UTRN: variants seen among roughly 807,000 people sequenced by gnomAD.
UTRN encodes utrophin, also known as dystrophin-related protein 1.
Under a neutral mutation model 463.9 loss-of-function variants are expected in UTRN, and 283 were observed. The ratio of observed to expected loss-of-function variants is 0.61; its 90% confidence interval spans 0.55 to 0.67. The LOEUF (loss-of-function observed/expected upper bound fraction) is 0.67. Ranked by LOEUF, UTRN falls within the 30% of genes least tolerant of loss-of-function variation. The probability of loss-of-function intolerance (pLI) is 0.00; values close to 1 mark genes in which losing one functional copy is unlikely to be tolerated. For missense variants in UTRN, 3,922 were observed against 4,084.3 expected, an observed-to-expected ratio of 0.96 and a Z score of 1.08; for synonymous variants, 1,442 against 1,431.5, an observed-to-expected ratio of 1.01 and a Z score of -0.17.
chr6:144,822,851 C>T (rs549015270), intron 66 of UTRN, among the ~76,000 whole-genome samples: 10 of 152,130 alleles, frequency 6.6e-5, no homozygotes, highest in African/African-American at 1.4e-4. Flanking sequence ...CTTTAATTTA[C>T]GGGATAATTT....
chr6:144,527,267 T>C (rs1796650090), intron 41 of UTRN, among the ~76,000 whole-genome samples: 1 of 152,238 alleles, frequency 6.6e-6, no homozygotes, highest in Non-Finnish European at 1.5e-5. Context: ...TTAGTTTCAC[T>C]GGATACAAAA....
intron 51 of UTRN, among the ~76,000 whole-genome samples, chr6:144,595,534 T>G (rs1467049900): frequency 1.3e-5 from 2 of 152,156 alleles, no homozygotes; most frequent in Non-Finnish European, 2.9e-5. Context: ...TGAGGTACAT[T>G]CTCTGCCAGT....
At chr6:144,325,698 AG>A (rs1408744005) in intron 2 of UTRN, among the ~76,000 whole-genome samples, 3 of 152,164 alleles carry the variant, frequency 2.0e-5, no homozygotes, top group Non-Finnish European at 4.4e-5. Flanking sequence ...TGCATTGTTG[AG>A]CCTCATTTTG....
intron 25 of UTRN, among the ~76,000 whole-genome samples, chr6:144,476,891 A>T (rs551950584): frequency 1.3e-5 from 2 of 152,188 alleles, no homozygotes; most frequent in African/African-American, 4.8e-5. Context: ...TCTTCAGGGG[A>T]GCAGAGAAAT....
rs533499284 is a variant in UTRN, at chr6:144,551,201, G to C, written c.6928+119G>C. 1.8e-5 allele frequency: 11 copies of C among 625,982 alleles called. No homozygotes were observed. In the African/African-American group the frequency reaches 2.1e-4, roughly 12 times the overall value. 38.8% of individuals were successfully genotyped at this position (625,982 alleles called of 1,614,324 possible). On this transcript the variant is annotated intron_variant, in intron 48 of 74. Coordinates refer to ENST00000367545, the MANE Select transcript of UTRN (RefSeq NM_007124.3). ...TTTTCAAAGATTATTCAACTAGAAAGTAATAGTGTTTAATATTTGTTACTC... is the reference window on the plus strand; with the variant it reads ...TTTTCAAAGATTATTCAACTAGAAACTAATAGTGTTTAATATTTGTTACTC...
intron 45 of UTRN, among the ~76,000 whole-genome samples, chr6:144,540,219 A>ATT (rs147842004): frequency 0.027 from 4,099 of 149,190 alleles, 85 homozygotes; most frequent in Non-Finnish European, 0.038. Context: ...TCCTACCATT[A>ATT]TTTTTTTTTT....
At chr6:144,474,466 T>C (rs1790983883) in intron 24 of UTRN, 138 bp from the exon 25 acceptor site, 5 of 901,312 alleles carry the variant, frequency 5.5e-6, no homozygotes, top group Non-Finnish European at 7.8e-6. Context: ...TAAGGCACAA[T>C]ATTTCTTAAG....
chr6:144,539,470 T>G (rs769665028), intron 45 of UTRN, 27 bp downstream of exon 45: 2 of 1,551,624 alleles, frequency 1.3e-6, no homozygotes, highest in Non-Finnish European at 1.7e-6. Context: ...TATCACACAT[T>G]TCTCATATTT....
At chr6:144,472,261 C>A (rs1790731647) in intron 23 of UTRN, among the ~76,000 whole-genome samples, 1 of 151,850 alleles carries the variant, frequency 6.6e-6, no homozygotes, top group Non-Finnish European at 1.5e-5. Context: ...AACATGGATA[C>A]CAATAATAGG....
At chr6:144,794,668 A>G (rs746980255) in intron 63 of UTRN, among the ~76,000 whole-genome samples, 3 of 152,152 alleles carry the variant, frequency 2.0e-5, no homozygotes, top group Non-Finnish European at 4.4e-5. Flanking sequence ...GTCTTAGTTC[A>G]TTCAGGCTGC....
intron 51 of UTRN, among the ~76,000 whole-genome samples, chr6:144,669,971 G>A (rs1780834060): frequency 6.6e-6 from 1 of 151,798 alleles, no homozygotes; most frequent in South Asian, 2.1e-4. Context: ...GTGTGTGTGT[G>A]TGTGTGTGTG....
chr6:144,717,824 C>T (rs1398780813), intron 53 of UTRN, among the ~76,000 whole-genome samples: 11 of 151,384 alleles, frequency 7.3e-5, no homozygotes, highest in Middle Eastern at 3.4e-3. Flanking sequence ...TTAGTAGAGA[C>T]GGGGATTTCA....
intron 34 of UTRN, among the ~76,000 whole-genome samples, chr6:144,507,334 G>A (rs947278380): frequency 1.3e-5 from 2 of 151,980 alleles, no homozygotes; most frequent in Non-Finnish European, 2.9e-5. Flanking sequence ...ATTCTTTGGA[G>A]GAGAAGAGAC....
chr6:144,286,586 G>A lies in UTRN; in HGVS notation c.-93+765G>A, dbSNP rs1803679882. On this transcript the variant is annotated intron_variant, in intron 1 of 74. Transcript: ENST00000367545. The surrounding 1 kb of genome is among the most constrained non-coding windows in gnomAD (Gnocchi z 4.4). ...CAACTGACAAGGTAATTCATGCCCC[G>A]CTTTGGCCCGGGGTCCGAGGCTGTG... 6.6e-6 allele frequency among the ~76,000 whole-genome samples: 1 copy of A among 152,016 alleles called. No homozygotes were observed. Among genetic ancestry groups the A allele is most frequent in the Non-Finnish European group, 1.5e-5 (1 of 67,992 alleles).
intron 53 of UTRN, chr6:144,708,005 C>T (rs1383136189): frequency 1.7e-5 from 3 of 180,362 alleles, no homozygotes; most frequent in Admixed American, 6.3e-5. Context: ...ATATCAACTT[C>T]TTGGTCAATT....
intron 51 of UTRN, among the ~76,000 whole-genome samples, chr6:144,614,992 CCT>C (rs1351524185): frequency 6.6e-6 from 1 of 152,058 alleles, no homozygotes; most frequent in Non-Finnish European, 1.5e-5. Flanking sequence ...AACAAACCCC[CCT>C]CTTTCCCGAT....
intron 48 of UTRN, among the ~76,000 whole-genome samples, chr6:144,552,439 C>A (rs189216211): frequency 2.0e-5 from 3 of 152,274 alleles, no homozygotes; most frequent in Admixed American, 6.5e-5. Context: ...ATTGACAAGC[C>A]ATTTCCAGTT....
intron 3 of UTRN, among the ~76,000 whole-genome samples, chr6:144,412,880 T>C (rs1037328939): frequency 3.9e-5 from 6 of 152,068 alleles, no homozygotes; most frequent in Non-Finnish European, 5.9e-5. Flanking sequence ...GAATAATCAG[T>C]GTCGAAGGGC....
chr6:144,302,100 T>C (rs1805328218), intron 2 of UTRN, among the ~76,000 whole-genome samples: 1 of 152,226 alleles, frequency 6.6e-6, no homozygotes, highest in African/African-American at 2.4e-5. Flanking sequence ...TTCCCACGTG[T>C]TCACTCTTCA....
Sources: allele counts gnomAD v4.1 joint callset (sites outside exome capture counted in the v4.1 genomes callset), GRCh38; gene constraint gnomAD v4.1.1; non-coding constraint Gnocchi (gnomAD v3.1); transcripts MANE v1.5; gene names NCBI Gene and HGNC (gene_info 2026-07-23, HGNC 2026-07-21).